The following LNX1 variants were observed in gnomAD, a reference collection of about 807,000 sequenced individuals.
LNX1 encodes the protein ligand of numb-protein X 1, also known as E3 ubiquitin-protein ligase LNX.
LNX1 carries 54 observed loss-of-function variants against 68.4 expected under a neutral mutation model. The observed-to-expected ratio is 0.79, with a 90% CI of 0.63 to 0.99. The LOEUF (loss-of-function observed/expected upper bound fraction) is 0.99. LNX1 is among the 50% of genes least tolerant of loss of function. LNX1 has a pLI of 0.00. For synonymous variants in LNX1, 336 were observed against 350.0 expected (o/e 0.96, Z 0.45); for missense variants, 906 against 926.4 (o/e 0.98, Z 0.29).
chr4:53,644,074 T>A (rs774362460), intron 1 of LNX1, among the ~76,000 whole-genome samples: 5 of 152,180 alleles, frequency 3.3e-5, no homozygotes, highest in African/African-American at 9.7e-5. Context: ...GCACTTACTA[T>A]GTTTTGTACT....
At chr4:53,532,347 G>A (rs553497151) in intron 2 of LNX1, among the ~76,000 whole-genome samples, 2 of 152,136 alleles carry the variant, frequency 1.3e-5, no homozygotes, top group Admixed American at 6.5e-5. Flanking sequence ...GTGTTGGCAC[G>A]CACTGTAGCC....
At chr4:53,534,596 C>A (rs1360886899) in intron 2 of LNX1, among the ~76,000 whole-genome samples, 1 of 152,164 alleles carries the variant, frequency 6.6e-6, no homozygotes, top group Non-Finnish European at 1.5e-5. Context: ...GAGCTATGGT[C>A]ACACCACTGT....
intron 2 of LNX1, among the ~76,000 whole-genome samples, chr4:53,517,921 C>A (rs1401020964): frequency 2.6e-5 from 4 of 151,384 alleles, no homozygotes; most frequent in Non-Finnish European, 4.4e-5. Flanking sequence ...ATGGCCCTCG[C>A]CCCAGAGGAC....
intron 2 of LNX1, among the ~76,000 whole-genome samples, chr4:53,537,319 CA>C (rs1378562627): frequency 3.9e-5 from 6 of 152,164 alleles, no homozygotes; most frequent in African/African-American, 1.4e-4. Context: ...CCTATGTGTG[CA>C]ATAGCCTTGG....
rs1358551082 is a variant in LNX1 at position 53,567,418 on chromosome 4, G to A, written c.380+6205C>T. 1.2e-4 allele frequency among the ~76,000 whole-genome samples: 18 copies of A among 151,514 alleles called. No homozygotes were observed. The South Asian group carries it at 3.6e-3, about 30-fold the overall frequency. On this transcript the variant is annotated intron_variant, in intron 2 of 10. Transcript: ENST00000263925. ...CTACTGGGTACATAACGAAATGAAG[G>A]CAGAAATAAAGATGTTCTTTGAAAC...
At chr4:53,560,570 G>A (rs1730213025) in intron 2 of LNX1, among the ~76,000 whole-genome samples, 1 of 152,130 alleles carries the variant, frequency 6.6e-6, no homozygotes, top group Non-Finnish European at 1.5e-5. Context: ...TACTGGGTAA[G>A]GCATCTCAGA....
intron 1 of LNX1, among the ~76,000 whole-genome samples, chr4:53,645,932 T>G (rs1734869970): frequency 6.6e-6 from 1 of 152,224 alleles, no homozygotes; most frequent in African/African-American, 2.4e-5. Flanking sequence ...CTTATAAAGC[T>G]GATATACTCA....
chr4:53,464,381 A>ATACTT (rs1420773493), intron 9 of LNX1, among the ~76,000 whole-genome samples: 11 of 136,766 alleles, frequency 8.0e-5, no homozygotes, highest in African/African-American at 1.1e-4. Flanking sequence ...TTGTAGACTA[A>ATACTT]TACTTTATCG....
chr4:53,617,649 C>T (rs1733729013), upstream of LNX1: 1 of 152,164 alleles, frequency 6.6e-6, no homozygotes, highest in Non-Finnish European at 1.5e-5. Flanking sequence ...ACATGCCCAC[C>T]CACATCATCT....
In LNX1 at chr4:53,459,475, TTAGTA is replaced by T. The variant is rs759204745; in HGVS notation, c.*1427_*1431del. On this transcript the variant is annotated 3_prime_UTR_variant, in exon 11 of 11. Coordinates refer to ENST00000263925, the MANE Select transcript of LNX1 (RefSeq NM_001126328.3). ...GCATGGTTTTGGCCTTTTGTGTATA[TTAGTA>T]CCAGAAGTAGATACTATAAATCTTG... 2.5e-6 allele frequency: 4 copies of T among 1,613,050 alleles called. No individual in the cohort carries two copies. Among genetic ancestry groups the T allele is most frequent in the Admixed American group, 3.3e-5 (2 of 59,966 alleles).
In LNX1 at chr4:53,537,514, G is replaced by A. The variant is rs189905167; in HGVS notation, c.381-29287C>T. 1.4e-3 allele frequency among the ~76,000 whole-genome samples: 215 copies of A among 152,338 alleles called. 1 individual carries two copies. Among genetic ancestry groups the A allele is most frequent in the African/African-American group, 4.6e-3 (191 of 41,576 alleles). On this transcript the variant is annotated intron_variant, in intron 2 of 10. Coordinates refer to ENST00000263925, the MANE Select transcript of LNX1 (RefSeq NM_001126328.3). ...TATTCCTTTTATAGCAATACACAGT[G>A]AGTAGTTTCAAAGGATCAGAAAATG...
chr4:53,474,062 G>T (rs1174325672), intron 9 of LNX1, among the ~76,000 whole-genome samples: 1 of 152,194 alleles, frequency 6.6e-6, no homozygotes, highest in Admixed American at 6.5e-5. Flanking sequence ...TGCCTATGTA[G>T]TCCTATAGGA....
intron 6 of LNX1, among the ~76,000 whole-genome samples, chr4:53,494,123 T>C (rs1724890603): frequency 6.6e-6 from 1 of 152,164 alleles, no homozygotes; most frequent in Non-Finnish European, 1.5e-5. Flanking sequence ...ATCATTCCCA[T>C]GTGTTGTGGG....
intron 2 of LNX1, among the ~76,000 whole-genome samples, chr4:53,611,962 T>G (rs1462516970): frequency 6.6e-6 from 1 of 152,128 alleles, no homozygotes; most frequent in Non-Finnish European, 1.5e-5. Flanking sequence ...CCATGGTAGA[T>G]TTGAAGAAAT....
chr4:53,588,086 A>C (rs1432712865), intron 1 of LNX1, among the ~76,000 whole-genome samples: 1 of 152,204 alleles, frequency 6.6e-6, no homozygotes, highest in African/African-American at 2.4e-5. Context: ...AAATAATATA[A>C]CAATAGTTAA....
At chr4:53,561,929 A>T (rs548287454) in intron 2 of LNX1, among the ~76,000 whole-genome samples, 3 of 105,986 alleles carry the variant, frequency 2.8e-5, no homozygotes, top group South Asian at 2.3e-4. Context: ...TCCCAGAATT[A>T]AAAAAAAGGA....
rs1401801673 is a variant in LNX1 at position 53,566,604 on chromosome 4, A to C, written c.380+7019T>G. 1.1e-3 allele frequency among the ~76,000 whole-genome samples: 160 copies of C among 151,920 alleles called. 1 individual carries two copies. In the South Asian group the frequency reaches 0.011, roughly 11 times the overall value. The stretch of plus-strand genomic sequence containing the variant: ...AACTGCATCAACTAACGAGCAAAAT[A>C]ACCAGCTAACATCATAATGACAGGA... On this transcript the variant is annotated intron_variant, in intron 2 of 10. Transcript: ENST00000263925.
chr4:53,585,869 T>C (rs529222263), intron 1 of LNX1, among the ~76,000 whole-genome samples: 1 of 152,280 alleles, frequency 6.6e-6, no homozygotes, highest in African/African-American at 2.4e-5. Flanking sequence ...GTATTTGTTA[T>C]GGCAGCCCTA....
intron 1 of LNX1, among the ~76,000 whole-genome samples, chr4:53,583,765 T>C (rs1414888985): frequency 6.6e-6 from 1 of 152,198 alleles, no homozygotes; most frequent in Non-Finnish European, 1.5e-5. Flanking sequence ...AGTCAGGGAA[T>C]GCCTTTCATA....
Sources: gnomAD v4.1 joint callset for allele counts (sites outside exome capture counted in the v4.1 genomes callset) on GRCh38, gnomAD v4.1.1 for gene constraint, MANE v1.5 for transcripts, NCBI Gene and HGNC (gene_info 2026-07-23, HGNC 2026-07-21) for gene names.